ESRRG: variants seen among roughly 807,000 people sequenced by gnomAD.
ESRRG encodes the protein estrogen-related receptor gamma.
Under a neutral mutation model 44.0 loss-of-function variants are expected in ESRRG, and 13 were observed. That is an observed-to-expected ratio of 0.30 (90% CI 0.19 to 0.47). ESRRG has a LOEUF of 0.47. Among genes scored for constraint, ESRRG ranks in the 20% least tolerant of loss-of-function variants. The pLI, the probability that ESRRG is intolerant of heterozygous loss-of-function variation, is 1.00. For synonymous variants in ESRRG, 215 were observed against 214.6 expected (o/e 1.00, Z -0.02); for missense variants, 395 against 580.6 (o/e 0.68, Z 3.29).
At chr1:216,936,410 G>A (rs2064155847) in intron 2 of ESRRG, among the ~76,000 whole-genome samples, 1 of 152,020 alleles carries the variant, frequency 6.6e-6, no homozygotes, top group Non-Finnish European at 1.5e-5. Context: ...ACAGAATACA[G>A]TGGTTGATGA....
At chr1:217,069,252 C>G (rs745763941) in intron 1 of ESRRG, among the ~76,000 whole-genome samples, 30 of 152,108 alleles carry the variant, frequency 2.0e-4, no homozygotes, top group Non-Finnish European at 2.9e-4. Context: ...TTCCTGCCCT[C>G]GAACATCTGA....
intron 2 of ESRRG, among the ~76,000 whole-genome samples, chr1:216,784,251 A>G (rs1183540918): frequency 1.3e-5 from 2 of 151,890 alleles, no homozygotes; most frequent in South Asian, 2.1e-4. Flanking sequence ...TTTCTCTCCT[A>G]AAGTGTTTAA....
chr1:216,738,451 A>G (rs994303681), intron 2 of ESRRG, among the ~76,000 whole-genome samples: 1 of 152,218 alleles, frequency 6.6e-6, no homozygotes, highest in Non-Finnish European at 1.5e-5. Context: ...TATTCTAAAT[A>G]CTATGCTTCA....
chr1:216,693,866 T>C (rs2079577202), intron 1 of ESRRG, among the ~76,000 whole-genome samples: 1 of 152,222 alleles, frequency 6.6e-6, no homozygotes, highest in Non-Finnish European at 1.5e-5. Flanking sequence ...TCCTGGGTTG[T>C]TGAGTAAATG....
At chr1:216,947,155 T>C (rs1420571229) in intron 1 of ESRRG, among the ~76,000 whole-genome samples, 1 of 152,038 alleles carries the variant, frequency 6.6e-6, no homozygotes, top group East Asian at 1.9e-4. Flanking sequence ...ACAGGAACAA[T>C]CACATGAAAT....
At chr1:216,560,784 T>C (rs574768856) in intron 5 of ESRRG, among the ~76,000 whole-genome samples, 111 of 152,254 alleles carry the variant, frequency 7.3e-4, no homozygotes, top group African/African-American at 2.6e-3. Context: ...GGCGACAGCG[T>C]TCCATTTTAC....
chr1:216,686,336 C>T (rs1007097415), intron 1 of ESRRG: 1 of 149,462 alleles, frequency 6.7e-6, no homozygotes, highest in African/African-American at 2.5e-5. Context: ...ACACAAGCCA[C>T]TATTTGCAGG....
At chr1:217,015,421 A>G (rs2079194320) in intron 1 of ESRRG, among the ~76,000 whole-genome samples, 1 of 152,210 alleles carries the variant, frequency 6.6e-6, no homozygotes, top group South Asian at 2.1e-4. Context: ...AAAGTAAAAT[A>G]TATAAAACAT....
intron 2 of ESRRG, among the ~76,000 whole-genome samples, chr1:216,771,056 C>T (rs1250774699): frequency 1.3e-5 from 2 of 152,060 alleles, no homozygotes; most frequent in Non-Finnish European, 2.9e-5. Context: ...CCCAGGCTGT[C>T]CTCAAACTCC....
At chr1:217,029,571 G>A (rs148562080) in intron 1 of ESRRG, among the ~76,000 whole-genome samples, 2 of 152,270 alleles carry the variant, frequency 1.3e-5, no homozygotes, top group African/African-American at 4.8e-5. Flanking sequence ...ACTATGACTG[G>A]GCTCTGTGTC....
intron 2 of ESRRG, among the ~76,000 whole-genome samples, chr1:216,672,741 G>A (rs543813433): frequency 4.5e-4 from 69 of 152,114 alleles, no homozygotes; most frequent in African/African-American, 1.5e-3. Flanking sequence ...GGTAGTGCAT[G>A]CCTGTTTTCC....
intron 3 of ESRRG, among the ~76,000 whole-genome samples, chr1:216,635,601 T>A (rs1370880756): frequency 1.3e-5 from 2 of 152,082 alleles, no homozygotes. Context: ...GGATTCAAGG[T>A]CATTTGTTTC....
intron 3 of ESRRG, among the ~76,000 whole-genome samples, chr1:216,594,189 G>A (rs1332314342): frequency 1.3e-5 from 2 of 152,052 alleles, no homozygotes; most frequent in Non-Finnish European, 2.9e-5. Flanking sequence ...TTGCTCATAT[G>A]TAAAATGGGG....
intron 1 of ESRRG, among the ~76,000 whole-genome samples, chr1:216,700,501 C>T (rs945561948): frequency 6.6e-6 from 1 of 152,254 alleles, no homozygotes; most frequent in South Asian, 2.1e-4. Context: ...TACACAAACA[C>T]ACACACTTAC....
intron 6 of ESRRG, among the ~76,000 whole-genome samples, chr1:216,513,518 C>T (rs1424052255): frequency 6.6e-6 from 1 of 152,056 alleles, no homozygotes; most frequent in Non-Finnish European, 1.5e-5. Flanking sequence ...GGCCTGTTTT[C>T]CTTATTTCTT....
chr1:217,064,335 G>A (rs2089241932), intron 1 of ESRRG, among the ~76,000 whole-genome samples: 1 of 152,094 alleles, frequency 6.6e-6, no homozygotes, highest in South Asian at 2.1e-4. Flanking sequence ...ATATATGTAT[G>A]TTGTGAAGAG....
intron 5 of ESRRG, among the ~76,000 whole-genome samples, chr1:216,532,612 C>T (rs775716056): frequency 8.5e-5 from 13 of 152,104 alleles, no homozygotes; most frequent in Admixed American, 1.3e-4. Flanking sequence ...CAGTGACACT[C>T]GGTGTGTGAG....
At chr1:216,857,801 A>G (rs2149061810) in intron 2 of ESRRG, among the ~76,000 whole-genome samples, 1 of 152,232 alleles carries the variant, frequency 6.6e-6, no homozygotes, top group South Asian at 2.1e-4. Context: ...CATTTACTGG[A>G]AAAATACCCT....
intron 6 of ESRRG, among the ~76,000 whole-genome samples, chr1:216,511,547 T>TCACACACACACACACACACACA (rs79870471): frequency 0.073 from 10,507 of 144,756 alleles, 491 homozygotes; most frequent in Middle Eastern, 0.1. Flanking sequence ...ATACATAAAT[T>TCACACACACACACACACACACA]CACACACACA....
Sources: allele counts gnomAD v4.1 joint callset (sites outside exome capture counted in the v4.1 genomes callset), GRCh38; gene constraint gnomAD v4.1.1; transcripts MANE v1.5; gene names NCBI Gene and HGNC (gene_info 2026-07-23, HGNC 2026-07-21).